PSMA1: variants seen among roughly 807,000 people sequenced by gnomAD.
PSMA1 encodes proteasome subunit alpha type-1.
In PSMA1, 3 loss-of-function variants were observed where a neutral mutation model predicts 38.4. The ratio of observed to expected loss-of-function variants is 0.08; its 90% CI spans 0.04 to 0.20. The LOEUF (loss-of-function observed/expected upper bound fraction) is 0.20. PSMA1 is among the 10% of genes least tolerant of loss of function. The probability of loss-of-function intolerance (pLI) is 1.00; values close to 1 mark genes in which losing one functional copy is unlikely to be tolerated. For missense variants in PSMA1, 227 were observed against 325.3 expected, an observed-to-expected ratio of 0.70 and a Z score of 2.32; for synonymous variants, 101 against 107.1, an observed-to-expected ratio of 0.94 and a Z score of 0.35.
At chr11:14,591,481 C>T (rs1852413910) in intron 2 of PSMA1, among the ~76,000 whole-genome samples, 1 of 152,200 alleles carries the variant, frequency 6.6e-6, no homozygotes, top group Admixed American at 6.5e-5. Flanking sequence ...GGCAGTTCCA[C>T]CTGCAGCCCC....
chr11:14,630,546 G>A (rs1477099697), intron 1 of PSMA1, among the ~76,000 whole-genome samples: 3 of 151,992 alleles, frequency 2.0e-5, no homozygotes, highest in Non-Finnish European at 4.4e-5. Flanking sequence ...GCTTTTTGAT[G>A]TGCTGCTGGA....
rs553374700 is a variant in PSMA1 at position 14,580,373 on chromosome 11, G to A, written c.21+30593C>T. Among the ~76,000 whole-genome samples, 9 of 152,224 alleles carry A rather than the reference G, an allele frequency of 5.9e-5. No individual in the cohort carries two copies. In the South Asian group the frequency reaches 1.5e-3, roughly 25 times the overall value. ...CCATCTGCTTGGAATGCTATTCTCT[G>A]CTGGATAATTCCTGCTACACCTCAA... On this transcript the variant is annotated intron_variant, in intron 2 of 10. Transcript: ENST00000418988.
chr11:14,528,679 C>A (rs922247740), intron 2 of PSMA1, among the ~76,000 whole-genome samples: 1 of 152,290 alleles, frequency 6.6e-6, no homozygotes, highest in African/African-American at 2.4e-5. Context: ...GTGACCTGCA[C>A]GTATACATCC....
chr11:14,516,785 G>A (rs190571973), intron 4 of PSMA1, among the ~76,000 whole-genome samples: 4 of 152,134 alleles, frequency 2.6e-5, no homozygotes, highest in African/African-American at 4.8e-5. Flanking sequence ...AATTAGCCAG[G>A]CGTGGTGGCG....
At chr11:14,634,126 A>T (rs1853079894) in intron 1 of PSMA1, among the ~76,000 whole-genome samples, 1 of 151,968 alleles carries the variant, frequency 6.6e-6, no homozygotes, top group South Asian at 2.1e-4. Flanking sequence ...AGAGCTGTAG[A>T]CCCGGAGCTG....
chr11:14,519,493 G>A (rs192069557), intron 1 of PSMA1, among the ~76,000 whole-genome samples: 327 of 152,018 alleles, frequency 2.2e-3, no homozygotes, highest in African/African-American at 7.6e-3. Flanking sequence ...TTATCTAAAC[G>A]TCCCTTTCTG....
At chr11:14,545,476 G>A (rs754588601) in intron 2 of PSMA1, among the ~76,000 whole-genome samples, 13 of 151,854 alleles carry the variant, frequency 8.6e-5, no homozygotes, top group Non-Finnish European at 1.6e-4. Context: ...CTTTCCCCTC[G>A]TACAGGCCCC....
At chr11:14,613,419 AT>A (rs1000542128) in intron 1 of PSMA1, among the ~76,000 whole-genome samples, 19 of 151,438 alleles carry the variant, frequency 1.3e-4, no homozygotes, top group Admixed American at 1.0e-3. Context: ...GCCCAGCTAA[AT>A]TTTTTGTATT....
chr11:14,547,073 G>A (rs1851835501), intron 2 of PSMA1, among the ~76,000 whole-genome samples: 1 of 152,180 alleles, frequency 6.6e-6, no homozygotes, highest in South Asian at 2.1e-4. Context: ...ATTACAATAT[G>A]CATACACAAA....
chr11:14,566,824 A>G (rs1368329678), intron 2 of PSMA1, among the ~76,000 whole-genome samples: 1 of 152,148 alleles, frequency 6.6e-6, no homozygotes, highest in African/African-American at 2.4e-5. Context: ...AAGAATAACA[A>G]CATAAATGAT....
chr11:14,574,474 T>A (rs1199234967), intron 2 of PSMA1, among the ~76,000 whole-genome samples: 3 of 152,196 alleles, frequency 2.0e-5, no homozygotes, highest in African/African-American at 7.2e-5. Flanking sequence ...TGGATGCCCC[T>A]GCCTAGATTT....
At chr11:14,532,695 C>G (rs950836281) in intron 2 of PSMA1, among the ~76,000 whole-genome samples, 1 of 151,520 alleles carries the variant, frequency 6.6e-6, no homozygotes, top group African/African-American at 2.4e-5. Flanking sequence ...TGCCTGTAAT[C>G]CCAGCACTCT....
chr11:14,591,758 CG>C (rs1231324933), intron 2 of PSMA1, among the ~76,000 whole-genome samples: 1 of 152,090 alleles, frequency 6.6e-6, no homozygotes, highest in Non-Finnish European at 1.5e-5. Flanking sequence ...CACCAATCAG[CG>C]CCCTGTTAAA....
rs565268409 is a variant in PSMA1 at position 14,605,153 on chromosome 11, T to C, written c.21+5813A>G. On this transcript the variant is annotated intron_variant, in intron 2 of 10. Coordinates refer to the PSMA1 transcript ENST00000418988. Reference sequence around the variant, plus strand: ...CTGCTTTCCACAGTGGCTGAACTAATTCGCATTCCCATCAACAGTGTATAA... The same window carrying C: ...CTGCTTTCCACAGTGGCTGAACTAACTCGCATTCCCATCAACAGTGTATAA... 8.5e-5 allele frequency among the ~76,000 whole-genome samples: 13 copies of C among 152,354 alleles called. No individual in the cohort carries two copies. The South Asian group carries it at 2.1e-3, about 24-fold the overall frequency.
At chr11:14,530,292 G>A (rs1851633491) in intron 2 of PSMA1, among the ~76,000 whole-genome samples, 1 of 152,166 alleles carries the variant, frequency 6.6e-6, no homozygotes, top group South Asian at 2.1e-4. Context: ...ATTAGAAGTA[G>A]ATGGACAGCT....
chr11:14,520,285 G>A lies in PSMA1; in HGVS notation c.3+12C>T, dbSNP rs200731348. On this transcript the variant is annotated intron_variant, in intron 1 of 9. Transcript: ENST00000396394. ...CTGCCCTAAACCTTCCAGAGATCGG[G>A]ATTCAACGTACCATGGTGGCGGCGC... is the stretch of plus-strand genomic sequence containing the variant. The A allele has an allele frequency of 1.5e-3, 2,481 of 1,614,100 alleles. 3 individuals are homozygous for A. Among genetic ancestry groups the A allele is most frequent in the Non-Finnish European group, 1.9e-3 (2,254 of 1,179,940 alleles).
chr11:14,640,501 A>G (rs7109770), intron 1 of PSMA1, among the ~76,000 whole-genome samples: 18,714 of 152,204 alleles, frequency 0.12, 1,430 homozygotes, highest in African/African-American at 0.22. Flanking sequence ...TATAGTTTTA[A>G]AAAATGTTCT....
At chr11:14,573,681 A>G (rs763987280) in intron 2 of PSMA1, among the ~76,000 whole-genome samples, 10 of 152,200 alleles carry the variant, frequency 6.6e-5, no homozygotes, top group African/African-American at 1.2e-4. Context: ...GGCAGGAGAA[A>G]GAAATAAAGG....
Position 14,505,214 on chromosome 11 carries a change from G to C in PSMA1, c.770C>G (p.Ala257Gly). ...CACTTAATGTTCCATTGGTTCATCAGCCTTTTCTGCAGGTTCATCAGCAGG... is the reference window on the plus strand; with the variant it reads ...CACTTAATGTTCCATTGGTTCATCACCCTTTTCTGCAGGTTCATCAGCAGG... The part of the protein sequence containing the change: ...AQPADEPAEK[A>G]DEPMEH Residue 257 changes from alanine (A) to glycine (G), a missense_variant, in exon 10 of 10, where the codon GCT becomes GGT. Ala to Gly is a moderately conservative substitution (Grantham distance 60, BLOSUM62 0). Transcript: ENST00000396394. 6.2e-7 allele frequency: 1 copy of C among 1,613,718 alleles called. No individual in the cohort carries two copies. The highest frequency in any genetic ancestry group is 8.5e-7 in the Non-Finnish European group (1 of 1,179,758).
Sources: allele counts gnomAD v4.1 joint callset (sites outside exome capture counted in the v4.1 genomes callset), GRCh38; gene constraint gnomAD v4.1.1; transcripts MANE v1.5; gene names NCBI Gene and HGNC (gene_info 2026-07-23, HGNC 2026-07-21).